DEFA4: variants seen among roughly 807,000 people sequenced by gnomAD.
The protein encoded by DEFA4 is defensin alpha 4.
In DEFA4, 8 loss-of-function variants were observed where a neutral mutation model predicts 4.4. That is an observed-to-expected ratio of 1.82 (90% confidence interval 1.07 to 3.29). The LOEUF (loss-of-function observed/expected upper bound fraction) is 3.29. DEFA4 is among the 30% of genes most tolerant of loss of function. The pLI, the probability that DEFA4 is intolerant of heterozygous loss-of-function variation, is 0.00. For synonymous variants in DEFA4, 77 were observed against 46.5 expected (o/e 1.66, Z -2.67); for missense variants, 216 against 127.0 (o/e 1.70, Z -3.37).
At chr8:6,936,699 G>C in intron 2 of DEFA4, 29 bp downstream of exon 2, 1 of 1,559,462 alleles carries the variant, frequency 6.4e-7, no homozygotes, top group Non-Finnish European at 8.7e-7. Flanking sequence ...CTCTAGACTC[G>C]GTAGCTTTTT....
At position 6,936,285 on chromosome 8, in the gene DEFA4, A is replaced by C. The variant is rs1808847739; in HGVS notation, c.173-144T>G. ...AGCACAAACAACCTTAGTCAATAGG[A>C]ATAAATACACAGAGCAATGCTGCTC... On this transcript the variant is annotated intron_variant, in intron 2 of 2. Coordinates refer to ENST00000297435, the MANE Select transcript of DEFA4 (RefSeq NM_001925.3). 4.0e-6 allele frequency: 4 copies of C among 1,000,366 alleles called. No individual in the cohort carries two copies. In the East Asian group the frequency reaches 1.0e-4, roughly 26 times the overall value. 62.0% of individuals were successfully genotyped at this position (1,000,366 alleles called of 1,614,324 possible).
At chr8:6,936,225 G>A in intron 2 of DEFA4, 84 bp from the exon 3 acceptor site, 1 of 1,569,692 alleles carries the variant, frequency 6.4e-7, no homozygotes, top group South Asian at 1.1e-5. Flanking sequence ...GTCACATGCT[G>A]GCTGACCGGT....
rs1221549088 is a variant in DEFA4, at chr8:6,936,078, A to G, written c.236T>C (p.Val79Ala). ...LVFCRRTELRVGNCLIGGVSF... is the reference protein window; with the variant it reads ...LVFCRRTELRAGNCLIGGVSF... Reference sequence around the variant, plus strand: ...CACACCACCAATGAGGCAGTTCCCAACACGAAGTTCTGTTCGCCGGCAGAA... The same window carrying G: ...CACACCACCAATGAGGCAGTTCCCAGCACGAAGTTCTGTTCGCCGGCAGAA... The change falls in exon 3 of 3, where the codon GTT becomes GCT. Residue 79 changes from valine (V) to alanine (A), a missense_variant. Coordinates refer to ENST00000297435, the MANE Select transcript of DEFA4 (RefSeq NM_001925.3). The G allele has an allele frequency of 1.2e-5, 20 of 1,613,954 alleles. No homozygotes were observed. Among genetic ancestry groups the G allele is most frequent in the Admixed American group, 3.3e-5 (2 of 59,994 alleles).
At chr8:6,936,685 G>A (rs2239667) in intron 2 of DEFA4, 43 bp downstream of exon 2, 356,206 of 1,498,906 alleles carry the variant, frequency 0.24, 43,898 homozygotes, top group East Asian at 0.29. Context: ...TCTCCCATCC[G>A]TCTCTCTAGA....
At chr8:6,937,989 C>G (rs1460728889) in intron 1 of DEFA4, among the ~76,000 whole-genome samples, 2 of 152,136 alleles carry the variant, frequency 1.3e-5, no homozygotes, top group Non-Finnish European at 1.5e-5. Flanking sequence ...CTGTGATCGT[C>G]TTTATTGGAC....
intron 1 of DEFA4, among the ~76,000 whole-genome samples, chr8:6,937,174 C>A (rs528823497): frequency 6.6e-6 from 1 of 152,196 alleles, no homozygotes; most frequent in South Asian, 2.1e-4. Flanking sequence ...AGGACCCTGG[C>A]ATTTTTTCCT....
intron 2 of DEFA4, 67 bp from the exon 3 acceptor site, chr8:6,936,208 T>G: frequency 6.3e-7 from 1 of 1,597,098 alleles, no homozygotes; most frequent in African/African-American, 1.3e-5. Context: ...AAGGGAATCT[T>G]GGAGAAGTCA....
At chr8:6,937,221 T>G (rs1168286953) in intron 1 of DEFA4, among the ~76,000 whole-genome samples, 2 of 152,112 alleles carry the variant, frequency 1.3e-5, no homozygotes, top group African/African-American at 2.4e-5. Flanking sequence ...TGGTTAAATC[T>G]TTAATATTCT....
chr8:6,936,947 G>C (rs1327064421), intron 1 of DEFA4, 36 bp from the exon 2 acceptor site: 1 of 1,468,638 alleles, frequency 6.8e-7, no homozygotes, highest in Non-Finnish European at 9.1e-7. Context: ...TGTGTGGGGA[G>C]GGAGAAGCCA....
chr8:6,936,081 C>T lies in DEFA4; in HGVS notation c.233G>A (p.Arg78His), dbSNP rs200506506. Reference sequence around the variant, plus strand: ...ACCACCAATGAGGCAGTTCCCAACACGAAGTTCTGTTCGCCGGCAGAATAC... The same window carrying T: ...ACCACCAATGAGGCAGTTCCCAACATGAAGTTCTGTTCGCCGGCAGAATAC... ...RLVFCRRTEL[R>H]VGNCLIGGVS... Residue 78 changes from arginine to histidine, a missense_variant, in exon 3 of 3, where the codon CGT becomes CAT. Coordinates refer to ENST00000297435, the MANE Select transcript of DEFA4 (RefSeq NM_001925.3). 8 of 1,613,908 alleles carry T rather than the reference C, an allele frequency of 5.0e-6. No homozygotes were observed. Among genetic ancestry groups the T allele is most frequent in the South Asian group, 3.3e-5 (3 of 90,996 alleles).
intron 1 of DEFA4, among the ~76,000 whole-genome samples, chr8:6,937,409 C>T (rs970975827): frequency 1.3e-5 from 2 of 151,914 alleles, no homozygotes; most frequent in Non-Finnish European, 2.9e-5. Context: ...CATGAAGGGG[C>T]GACTGAGGTA....
At chr8:6,937,444 G>A (rs1276519422) in intron 1 of DEFA4, among the ~76,000 whole-genome samples, 3 of 152,054 alleles carry the variant, frequency 2.0e-5, no homozygotes, top group African/African-American at 2.4e-5. Flanking sequence ...CTCCTGTAGG[G>A]GCCAGAGTGA....
Position 6,936,279 on chromosome 8 carries a change from A to T in DEFA4, c.173-138T>A. The stretch of plus-strand genomic sequence containing the variant: ...GCCGGTAGCACAAACAACCTTAGTC[A>T]ATAGGAATAAATACACAGAGCAATG... On this transcript the variant is annotated intron_variant, in intron 2 of 2. Coordinates refer to ENST00000297435, the MANE Select transcript of DEFA4 (RefSeq NM_001925.3). 7.0e-6 allele frequency: 7 copies of T among 1,006,046 alleles called. No individual in the cohort carries two copies. The Admixed American group carries it at 1.1e-4, about 16-fold the overall frequency. The allele number at this position is 1,006,046 out of a possible 1,614,324, so 62.3% of individuals were successfully genotyped here. A position where few individuals can be genotyped will look rare whatever the true frequency, so the allele number is the denominator to read the frequency against.
chr8:6,938,129 G>A (rs952727175), intron 1 of DEFA4, 97 bp downstream of exon 1: 9 of 152,138 alleles, frequency 5.9e-5, no homozygotes, highest in Non-Finnish European at 1.2e-4. Context: ...TCACCCGCTG[G>A]GTCCCTCTGG....
rs372333304 is a variant in DEFA4, at chr8:6,936,141, C to G, written c.173G>C (p.Gly58Ala). The part of the protein sequence containing the change: ...WDKSSALQVS[G>A]STRGMVCSCR... ...AGAGCAGACCATGCCCCTTGTTGAG[C>G]CTGGGAACACAGAGGAAGCATGAGA... The change falls in exon 3 of 3, where the codon GGC (glycine) becomes GCC (alanine). Residue 58 changes from glycine to alanine, a missense_variant and splice_region_variant. By Grantham distance (60) the Gly-to-Ala change is moderately conservative (BLOSUM62 0). Transcript: ENST00000297435. 1.2e-5 allele frequency: 19 copies of G among 1,613,650 alleles called. No homozygotes were observed. Among genetic ancestry groups the G allele is most frequent in the South Asian group, 5.5e-5 (5 of 90,982 alleles).
Position 6,936,143 on chromosome 8 carries a change from T to C in DEFA4, c.173-2A>G. The C allele has an allele frequency of 1.2e-6, 2 of 1,613,770 alleles. No homozygotes were observed. Among genetic ancestry groups the C allele is most frequent in the Admixed American group, 1.7e-5 (1 of 60,018 alleles). ...AGCAGACCATGCCCCTTGTTGAGCC[T>C]GGGAACACAGAGGAAGCATGAGAAA... On this transcript the variant is annotated splice_acceptor_variant, in intron 2 of 2. Coordinates refer to ENST00000297435, the MANE Select transcript of DEFA4 (RefSeq NM_001925.3). LOFTEE classifies it high-confidence loss of function.
intron 1 of DEFA4, among the ~76,000 whole-genome samples, chr8:6,937,197 T>C (rs1808894376): frequency 6.6e-6 from 1 of 152,128 alleles, no homozygotes; most frequent in African/African-American, 2.4e-5. Context: ...TTTCAGGAAA[T>C]ACCTAATATT....
At chr8:6,936,280 A>G (rs942046513) in intron 2 of DEFA4, 139 bp from the exon 3 acceptor site, 4 of 1,005,314 alleles carry the variant, frequency 4.0e-6, no homozygotes, top group Non-Finnish European at 5.8e-6. Flanking sequence ...ACCTTAGTCA[A>G]TAGGAATAAA....
Position 6,936,064 on chromosome 8 carries a change from T to G in DEFA4, c.250A>C (p.Ile84Leu), listed in dbSNP as rs755135282. 8.7e-6 allele frequency: 14 copies of G among 1,613,836 alleles called. No homozygotes were observed. The South Asian group carries it at 1.5e-4, about 18-fold the overall frequency. ...RTELRVGNCL[I>L]GGVSFTYCCT... The stretch of plus-strand genomic sequence containing the variant: ...CAGTATGTGAAACTCACACCACCAA[T>G]GAGGCAGTTCCCAACACGAAGTTCT... The change falls in exon 3 of 3, where the codon ATT becomes CTT. Residue 84 changes from isoleucine (I) to leucine (L), a missense_variant. Physicochemically the swap from Ile to Leu is conservative, Grantham distance 5. Coordinates refer to ENST00000297435, the MANE Select transcript of DEFA4 (RefSeq NM_001925.3).
Sources: gnomAD v4.1 joint callset for allele counts (sites outside exome capture counted in the v4.1 genomes callset) on GRCh38, gnomAD v4.1.1 for gene constraint, MANE v1.5 for transcripts, NCBI Gene and HGNC (gene_info 2026-07-23, HGNC 2026-07-21) for gene names.